Variants in CENPK observed in about 807,000 individuals in gnomAD.
CENPK encodes the protein SoxLZ/Sox6-binding protein Solt.
CENPK carries 46 observed loss-of-function variants against 40.9 expected under a neutral mutation model. The ratio of observed to expected loss-of-function variants is 1.13; its 90% CI spans 0.89 to 1.44. The LOEUF (loss-of-function observed/expected upper bound fraction) is 1.44, where lower values mean the gene tolerates loss of function less well. Ranked by LOEUF, CENPK falls within the 40% of genes most tolerant of loss-of-function variation. CENPK has a pLI of 0.00. For synonymous variants in CENPK, 107 were observed against 104.4 expected, an observed-to-expected ratio of 1.02 and a Z score of -0.15; for missense variants, 288 against 303.5, an observed-to-expected ratio of 0.95 and a Z score of 0.38.
chr5:65,552,738 A>G (rs1750309312), intron 3 of CENPK, among the ~76,000 whole-genome samples, 189 bp from the exon 4 acceptor site: 1 of 152,028 alleles, frequency 6.6e-6, no homozygotes. Flanking sequence ...AGGTGAATAC[A>G]TCACAAGTAA....
At chr5:65,503,127 TTGAGACAGAGTCTCAC>T in the CENPK span, among the ~76,000 whole-genome samples, 3 of 150,724 alleles carry the variant, frequency 2.0e-5, no homozygotes, top group Admixed American at 6.6e-5. Flanking sequence ...TTTTTTTTTT[TTGAGACAGAGTCTCAC>T]TCTGTCTCCT....
At chr5:65,520,137 A>G (rs1287786935) in intron 10 of CENPK, among the ~76,000 whole-genome samples, 2 of 152,176 alleles carry the variant, frequency 1.3e-5, no homozygotes, top group African/African-American at 4.8e-5. Context: ...ATGCTTTAGC[A>G]AATCCCCTTG....
At chr5:65,550,676 T>G (rs1398406887) in intron 5 of CENPK, 1 of 151,926 alleles carries the variant, frequency 6.6e-6, no homozygotes, top group Non-Finnish European at 1.5e-5. Context: ...AAACATAGAG[T>G]GTCTGCAAAG....
intron 6 of CENPK, among the ~76,000 whole-genome samples, chr5:65,532,736 C>T (rs1746066281): frequency 6.6e-6 from 1 of 150,840 alleles, no homozygotes; most frequent in African/African-American, 2.4e-5. Flanking sequence ...ATGGAGAAAC[C>T]CCGTCTCTAC....
the CENPK span, among the ~76,000 whole-genome samples, chr5:65,498,656 G>T: frequency 2.1e-5 from 3 of 142,738 alleles, no homozygotes; most frequent in East Asian, 2.0e-4. Context: ...TTAGAGACAG[G>T]GTCTGATTCT....
At chr5:65,538,202 T>A (rs1747310109) in intron 6 of CENPK, among the ~76,000 whole-genome samples, 1 of 152,228 alleles carries the variant, frequency 6.6e-6, no homozygotes, top group Non-Finnish European at 1.5e-5. Context: ...TTCTTTAAAT[T>A]CTCGTTGGTT....
downstream of CENPK, among the ~76,000 whole-genome samples, chr5:65,513,312 T>C (rs1290489945): frequency 3.3e-5 from 5 of 152,238 alleles, no homozygotes; most frequent in Non-Finnish European, 5.9e-5. Flanking sequence ...CCTCATTAAC[T>C]ATAAAATTTT....
At chr5:65,546,268 A>T (rs1748952661) in intron 5 of CENPK, among the ~76,000 whole-genome samples, 1 of 152,164 alleles carries the variant, frequency 6.6e-6, no homozygotes, top group African/African-American at 2.4e-5. Context: ...GGCCTCCCAA[A>T]GTGCTGGGAT....
intron 3 of CENPK, 57 bp from the exon 4 acceptor site, chr5:65,552,606 C>G: frequency 9.6e-7 from 1 of 1,038,710 alleles, no homozygotes; most frequent in Non-Finnish European, 1.4e-6. Flanking sequence ...AGAAAATTCC[C>G]TTCCCCTCTC....
chr5:65,498,746 T>C, the CENPK span, among the ~76,000 whole-genome samples: 1 of 151,236 alleles, frequency 6.6e-6, no homozygotes, highest in Non-Finnish European at 1.5e-5. Context: ...TAACCTCAAA[T>C]TCCTGGGTCA....
At position 65,542,925 on chromosome 5, in the gene CENPK, T is replaced by G. The variant is rs924960382; in HGVS notation, c.242-77A>C. On this transcript the variant is annotated intron_variant, in intron 5 of 10. Transcript: ENST00000396679. ...AAATCAAGAATTTAATTTTGCGGTT[T>G]TCTAAGATACTTCTTTCCATCTCCA... 1.5e-5 allele frequency: 19 copies of G among 1,266,164 alleles called. No individual in the cohort carries two copies. In the Admixed American group the frequency reaches 2.8e-4, roughly 19 times the overall value. 78.4% of individuals were successfully genotyped at this position (1,266,164 alleles called of 1,614,324 possible). A position where few individuals can be genotyped will look rare whatever the true frequency, so the allele number is the denominator to read the frequency against.
chr5:65,550,174 C>T (rs13155045), intron 5 of CENPK, among the ~76,000 whole-genome samples: 14 of 59,514 alleles, frequency 2.4e-4, no homozygotes, highest in East Asian at 6.3e-4. Flanking sequence ...GACTCCATCT[C>T]AAAAAAAAAA....
At chr5:65,544,330 T>C (rs951219799) in intron 5 of CENPK, among the ~76,000 whole-genome samples, 1 of 152,056 alleles carries the variant, frequency 6.6e-6, no homozygotes, top group Non-Finnish European at 1.5e-5. Context: ...TAACATGAAT[T>C]TTGGGGGATA....
chr5:65,557,349 C>T (rs1007676266), intron 2 of CENPK, among the ~76,000 whole-genome samples: 8 of 151,926 alleles, frequency 5.3e-5, no homozygotes, highest in African/African-American at 1.7e-4. Context: ...TTCCTCTCCC[C>T]CTGAAACTGA....
At chr5:65,544,931 A>C (rs919436585) in intron 5 of CENPK, among the ~76,000 whole-genome samples, 5 of 152,170 alleles carry the variant, frequency 3.3e-5, no homozygotes, top group African/African-American at 1.2e-4. Context: ...CAAGATGAAA[A>C]AGTTCTGAAG....
chr5:65,541,305 G>A (rs533254104), intron 6 of CENPK: 8 of 436,076 alleles, frequency 1.8e-5, no homozygotes, highest in Middle Eastern at 3.4e-4. Context: ...ATCTGAAACC[G>A]GGGTCAGGCA....
rs185309293 is a variant in CENPK at position 65,529,011 on chromosome 5, T to C, written c.378A>G (p.Gln126=). ...EKLKEDLERE[Q]RWLDEQQQIM... ...TCTGTTGCTGTTCATCCAACCACCGTTGTTCCCTTTCGACATGGAAAAACA... is the reference window on the plus strand; with the variant it reads ...TCTGTTGCTGTTCATCCAACCACCGCTGTTCCCTTTCGACATGGAAAAACA... Residue 126 remains glutamine, a synonymous_variant, in exon 8 of 11, where the codon CAA becomes CAG. Transcript: ENST00000396679. 8.1e-5 allele frequency: 130 copies of C among 1,607,428 alleles called. No homozygotes were observed. The highest frequency in any genetic ancestry group is 1.0e-4 in the Non-Finnish European group (121 of 1,175,226).
chr5:65,539,581 G>A (rs1274750363), intron 6 of CENPK, among the ~76,000 whole-genome samples: 1 of 152,230 alleles, frequency 6.6e-6, no homozygotes, highest in Non-Finnish European at 1.5e-5. Context: ...GGTGCAGGTG[G>A]CTCTGCCCCT....
intron 1 of CENPK, 132 bp from the exon 2 acceptor site, chr5:65,561,696 T>C: frequency 4.1e-6 from 1 of 243,866 alleles, no homozygotes; most frequent in South Asian, 4.4e-5. Flanking sequence ...AAGTCAACTT[T>C]TTGAGGTCCC....
Sources: gnomAD v4.1 joint callset for allele counts (sites outside exome capture counted in the v4.1 genomes callset) on GRCh38, gnomAD v4.1.1 for gene constraint, MANE v1.5 for transcripts, NCBI Gene and HGNC (gene_info 2026-07-23, HGNC 2026-07-21) for gene names.